Variants in CDC27 observed in about 807,000 individuals in gnomAD.
The protein encoded by CDC27 is cell division cycle 27.
In CDC27, 27 loss-of-function variants were observed where a neutral mutation model predicts 109.7. That is an observed-to-expected ratio of 0.25 (90% confidence interval 0.18 to 0.34). The LOEUF is 0.34. Ranked by LOEUF, CDC27 falls within the 10% of genes least tolerant of loss-of-function variation. The pLI is 1.00. For missense variants in CDC27, 579 were observed against 960.2 expected (o/e 0.60, Z 5.25); for synonymous variants, 266 against 333.9 (o/e 0.80, Z 2.22).
chr17:47,121,152 A>T, intron 18 of CDC27, 135 bp from the exon 19 acceptor site: 1 of 621,184 alleles, frequency 1.6e-6, no homozygotes, highest in Non-Finnish European at 2.8e-6. Flanking sequence ...AAATCCTCAT[A>T]TCCTTTAATA....
At chr17:47,132,198 TAACA>T (rs1656763089) in intron 15 of CDC27, 55 bp downstream of exon 15, 2 of 827,182 alleles carry the variant, frequency 2.4e-6, no homozygotes, top group South Asian at 3.8e-5. Flanking sequence ...ATTAAATCAA[TAACA>T]AACATATTTC....
intron 18 of CDC27, among the ~76,000 whole-genome samples, chr17:47,121,701 G>A (rs1022308972): frequency 1.3e-5 from 2 of 151,138 alleles, no homozygotes; most frequent in Admixed American, 1.3e-4. Context: ...CTGAGTAGCT[G>A]CGATTACATA....
At chr17:47,175,025 GAGAA>G (rs767462500) in intron 2 of CDC27, among the ~76,000 whole-genome samples, 8 of 142,942 alleles carry the variant, frequency 5.6e-5, no homozygotes, top group Non-Finnish European at 9.2e-5. Context: ...GAAAGAAAGA[GAGAA>G]AGAGAGAGAG....
chr17:47,133,028 T>TATATATATATATAC (rs1555783886), intron 14 of CDC27, among the ~76,000 whole-genome samples: 2 of 29,826 alleles, frequency 6.7e-5, no homozygotes, highest in African/African-American at 1.5e-4. Context: ...TATATATATA[T>TATATATATATATAC]ACACACACAC....
chr17:47,175,039 G>GAGGAAGGAAGGAAGGAAGGA (rs71138592), intron 2 of CDC27, among the ~76,000 whole-genome samples: 26 of 129,996 alleles, frequency 2.0e-4, no homozygotes, highest in African/African-American at 5.0e-4. Flanking sequence ...AAGAGAGAGA[G>GAGGAAGGAAGGAAGGAAGGA]AGGAAGGAAG....
intron 11 of CDC27, 79 bp from the exon 12 acceptor site, chr17:47,142,104 T>A: frequency 8.2e-7 from 1 of 1,216,090 alleles, no homozygotes; most frequent in East Asian, 2.4e-5. Context: ...AATTACAAAC[T>A]AATCTATTAA....
intron 15 of CDC27, 56 bp from the exon 16 acceptor site, chr17:47,129,577 G>A (rs1733865913): frequency 1.6e-6 from 2 of 1,287,632 alleles, no homozygotes; most frequent in South Asian, 2.8e-5. Context: ...GAAGAAAGGT[G>A]AGAACCAACG....
At chr17:47,157,161 T>C (rs767097480) in intron 6 of CDC27, 37 bp from the exon 7 acceptor site, 3 of 1,541,682 alleles carry the variant, frequency 1.9e-6, no homozygotes, top group Non-Finnish European at 1.8e-6. Flanking sequence ...ATTCACAATA[T>C]ATTATTTAGT....
chr17:47,154,236 AT>A (rs912710156), intron 8 of CDC27, among the ~76,000 whole-genome samples: 6 of 151,960 alleles, frequency 3.9e-5, no homozygotes, highest in African/African-American at 7.2e-5. Context: ...ACCTGAGCAA[AT>A]TTTTTTTCAT....
intron 4 of CDC27, chr17:47,159,602 AG>A (rs1197609741): frequency 4.3e-6 from 2 of 465,358 alleles, no homozygotes; most frequent in African/African-American, 2.0e-5. Context: ...GAGTTTGGCC[AG>A]GATGTTGATG....
At chr17:47,127,366 T>C (rs1178446306) in intron 16 of CDC27, among the ~76,000 whole-genome samples, 2 of 152,104 alleles carry the variant, frequency 1.3e-5, no homozygotes, top group Non-Finnish European at 2.9e-5. Context: ...CTAGATAAAT[T>C]ATATATTTAA....
At chr17:47,188,639 G>C in intron 1 of CDC27, 1 of 513,938 alleles carries the variant, frequency 1.9e-6, no homozygotes, top group Non-Finnish European at 2.5e-6. Flanking sequence ...CGTGGGATAG[G>C]AAGTCTGTTA....
intron 2 of CDC27, among the ~76,000 whole-genome samples, chr17:47,173,221 T>C (rs11570466): frequency 1.7e-3 from 255 of 152,332 alleles, no homozygotes; most frequent in African/African-American, 5.7e-3. Flanking sequence ...GTCACAGATA[T>C]GTGCAAGCAA....
chr17:47,153,049 A>G (rs2063196850), intron 8 of CDC27, among the ~76,000 whole-genome samples: 3 of 152,208 alleles, frequency 2.0e-5, no homozygotes, highest in Admixed American at 6.5e-5. Flanking sequence ...AAAACTTCAT[A>G]AGCCTTCCTC....
At chr17:47,124,649 A>G (rs189019339) in intron 16 of CDC27, among the ~76,000 whole-genome samples, 8 of 152,336 alleles carry the variant, frequency 5.3e-5, no homozygotes, top group Admixed American at 5.2e-4. Context: ...GTTATTGAGA[A>G]GAGTGGCATT....
At chr17:47,136,049 G>A (rs112110518) in intron 14 of CDC27, among the ~76,000 whole-genome samples, 35 of 152,280 alleles carry the variant, frequency 2.3e-4, no homozygotes, top group African/African-American at 7.9e-4. Flanking sequence ...GGCTGAGGCA[G>A]GAGAATGGCG....
At chr17:47,124,058 GCTAA>G in intron 16 of CDC27, 98 bp from the exon 17 acceptor site, 1 of 709,228 alleles carries the variant, frequency 1.4e-6, no homozygotes, top group Non-Finnish European at 2.3e-6. Context: ...CTTCACAAAA[GCTAA>G]CTAAATCTTA....
intron 7 of CDC27, among the ~76,000 whole-genome samples, chr17:47,156,299 C>T (rs1396432051): frequency 2.0e-5 from 3 of 151,798 alleles, no homozygotes; most frequent in Non-Finnish European, 2.9e-5. Context: ...CCACCACACC[C>T]GGCTAGTTTT....
chr17:47,161,192 T>C (rs887901212), intron 4 of CDC27: 2 of 131,192 alleles, frequency 1.5e-5, no homozygotes, highest in African/African-American at 5.6e-5. Context: ...GCTGGCTAAT[T>C]AAAAAAAAAA....
Sources: allele counts gnomAD v4.1 joint callset (sites outside exome capture counted in the v4.1 genomes callset), GRCh38; gene constraint gnomAD v4.1.1; transcripts MANE v1.5; gene names NCBI Gene and HGNC (gene_info 2026-07-23, HGNC 2026-07-21).